NRG1: variants seen among roughly 807,000 people sequenced by gnomAD.
The protein encoded by NRG1 is pro-neuregulin-1, membrane-bound isoform.
In NRG1, 18 loss-of-function variants were observed where a neutral mutation model predicts 63.8. That is an observed-to-expected ratio of 0.28 (90% CI 0.19 to 0.42). The LOEUF (loss-of-function observed/expected upper bound fraction) is 0.42, where lower values mean the gene tolerates loss of function less well. Among genes scored for constraint, NRG1 ranks in the 10% least tolerant of loss-of-function variants. The pLI, the probability that NRG1 is intolerant of heterozygous loss-of-function variation, is 1.00. For missense variants in NRG1, 762 were observed against 814.7 expected, an observed-to-expected ratio of 0.94 and a Z score of 0.79; for synonymous variants, 302 against 301.3, an observed-to-expected ratio of 1.00 and a Z score of -0.02.
intron 1 of NRG1, among the ~76,000 whole-genome samples, chr8:32,281,853 T>C (rs1379214965): frequency 1.3e-5 from 2 of 152,166 alleles, no homozygotes; most frequent in African/African-American, 4.8e-5. Context: ...AATTTTATGC[T>C]GTATGTATTT....
intron 5 of NRG1, among the ~76,000 whole-genome samples, chr8:32,684,770 G>A (rs1472121017): frequency 6.6e-6 from 1 of 152,014 alleles, no homozygotes; most frequent in African/African-American, 2.4e-5. Flanking sequence ...TTGTGAGATA[G>A]CTAGGAAATT....
chr8:32,073,944 A>G (rs1368621885), intron 1 of NRG1, among the ~76,000 whole-genome samples: 1 of 152,164 alleles, frequency 6.6e-6, no homozygotes, highest in African/African-American at 2.4e-5. Flanking sequence ...AAGGTGGATG[A>G]CTTACTGGAT....
At chr8:32,555,690 C>G (rs546980012) in intron 1 of NRG1, among the ~76,000 whole-genome samples, 1 of 152,324 alleles carries the variant, frequency 6.6e-6, no homozygotes, top group South Asian at 2.1e-4. Flanking sequence ...CCAGGATGGT[C>G]TCCATCTCCT....
chr8:32,407,638 C>T (rs1037420519), intron 1 of NRG1, among the ~76,000 whole-genome samples: 1 of 148,540 alleles, frequency 6.7e-6, no homozygotes, highest in Non-Finnish European at 1.5e-5. Context: ...TCCTCCTTAC[C>T]TCTCTCTCTC....
At chr8:31,714,485 G>A (rs1812151868) in intron 1 of NRG1, among the ~76,000 whole-genome samples, 1 of 151,948 alleles carries the variant, frequency 6.6e-6, no homozygotes, top group Non-Finnish European at 1.5e-5. Flanking sequence ...GTATTATCTA[G>A]TTTTCATTTT....
At chr8:32,384,205 C>G (rs1004446835) in intron 1 of NRG1, among the ~76,000 whole-genome samples, 6 of 152,052 alleles carry the variant, frequency 3.9e-5, no homozygotes, top group Admixed American at 3.9e-4. Context: ...CCACTACACT[C>G]CAGCCCGGGT....
intron 1 of NRG1, among the ~76,000 whole-genome samples, chr8:32,289,250 G>C (rs1298213502): frequency 6.6e-6 from 1 of 152,020 alleles, no homozygotes; most frequent in Non-Finnish European, 1.5e-5. Flanking sequence ...CCTGATTTCT[G>C]TTCTCTCAGA....
intron 1 of NRG1, among the ~76,000 whole-genome samples, chr8:32,368,817 A>G (rs1407409360): frequency 6.6e-6 from 1 of 152,224 alleles, no homozygotes; most frequent in Non-Finnish European, 1.5e-5. Flanking sequence ...TTAAAAAATG[A>G]TGTAAACTTA....
At chr8:32,608,985 A>G (rs191119003) in intron 3 of NRG1, among the ~76,000 whole-genome samples, 1 of 152,292 alleles carries the variant, frequency 6.6e-6, no homozygotes, top group East Asian at 1.9e-4. Flanking sequence ...AAAGACCTAG[A>G]GAACTTACAA....
At chr8:31,905,471 T>C (rs1177664544) in intron 1 of NRG1, among the ~76,000 whole-genome samples, 1 of 152,246 alleles carries the variant, frequency 6.6e-6, no homozygotes, top group Non-Finnish European at 1.5e-5. Flanking sequence ...GACACATTTA[T>C]ACAACATTTT....
At chr8:32,301,819 G>A (rs190998469) in intron 1 of NRG1, among the ~76,000 whole-genome samples, 2 of 152,244 alleles carry the variant, frequency 1.3e-5, no homozygotes, top group East Asian at 1.9e-4. Flanking sequence ...CCCACAACAC[G>A]TAAGAACTGT....
intron 1 of NRG1, among the ~76,000 whole-genome samples, chr8:32,114,158 A>G (rs1226368498): frequency 3.9e-5 from 6 of 152,252 alleles, no homozygotes; most frequent in Admixed American, 3.9e-4. Context: ...AGCTTGAGTC[A>G]CCAGCCTTGG....
chr8:32,646,375 A>T (rs143943893), intron 5 of NRG1, among the ~76,000 whole-genome samples: 386 of 152,344 alleles, frequency 2.5e-3, no homozygotes, highest in African/African-American at 9.1e-3. Flanking sequence ...GTTGAAAATC[A>T]GGTAATAACA....
At chr8:32,172,892 T>C (rs1034048736) in intron 1 of NRG1, among the ~76,000 whole-genome samples, 2 of 152,124 alleles carry the variant, frequency 1.3e-5, no homozygotes, top group Non-Finnish European at 2.9e-5. Flanking sequence ...ATGGGGAGAA[T>C]GGAACCAAGT....
chr8:32,302,295 C>A (rs974971413), intron 1 of NRG1, among the ~76,000 whole-genome samples: 1 of 152,126 alleles, frequency 6.6e-6, no homozygotes, highest in Non-Finnish European at 1.5e-5. Context: ...TAACCCCTGA[C>A]GATCTTCAGT....
chr8:32,178,274 T>C (rs4733305), intron 1 of NRG1, among the ~76,000 whole-genome samples: 34,341 of 152,016 alleles, frequency 0.23, 4,435 homozygotes, highest in African/African-American at 0.36. Context: ...CCCATTTCAT[T>C]CTGAAGGTCA....
At chr8:32,755,366 A>C (rs77206182) in intron 8 of NRG1, among the ~76,000 whole-genome samples, 2,016 of 152,298 alleles carry the variant, frequency 0.013, 61 homozygotes, top group East Asian at 0.13. Flanking sequence ...ATATTTCATA[A>C]TCTGAATGTT....
In NRG1 at chr8:31,773,147, G is replaced by T. The variant is rs75923164; in HGVS notation, c.37+133716G>T. ...TTTTATAGCAAGACAAACTTGCTCTGGTATTGGCCCATGGATGGGTAAAAG... is the reference window on the plus strand; with the variant it reads ...TTTTATAGCAAGACAAACTTGCTCTTGTATTGGCCCATGGATGGGTAAAAG... On this transcript the variant is annotated intron_variant, in intron 1 of 10. Transcript: ENST00000519301. Among the ~76,000 whole-genome samples, 398 of 152,284 alleles carry T rather than the reference G, an allele frequency of 2.6e-3. 1 individual carries two copies. Among genetic ancestry groups the T allele is most frequent in the African/African-American group, 9.0e-3 (373 of 41,580 alleles).
At chr8:32,054,859 CTTTCTTTTTTTTTTTTTTTTTTTTTTTT>C (rs1272456381) in intron 1 of NRG1, among the ~76,000 whole-genome samples, 1,245 of 70,686 alleles carry the variant, frequency 0.018, 32 homozygotes, top group African/African-American at 0.061. Flanking sequence ...AGATTTCTTT[CTTTCTTTTTTTTTTTTTTTTTTTTTTTT>C]TTTTTTTTTT....
Sources: allele counts gnomAD v4.1 joint callset (sites outside exome capture counted in the v4.1 genomes callset), GRCh38; gene constraint gnomAD v4.1.1; transcripts MANE v1.5; gene names NCBI Gene and HGNC (gene_info 2026-07-23, HGNC 2026-07-21).